The following RGL1 variants were observed in gnomAD, a reference collection of about 807,000 sequenced individuals.
RGL1 encodes the protein ral guanine nucleotide dissociation stimulator like 1.
Under a neutral mutation model 95.2 loss-of-function variants are expected in RGL1, and 24 were observed. The ratio of observed to expected loss-of-function variants is 0.25; its 90% CI spans 0.18 to 0.35. The LOEUF is 0.35. RGL1 is among the 10% of genes least tolerant of loss of function. The pLI is 1.00. For missense variants in RGL1, 715 were observed against 936.3 expected (o/e 0.76, Z 3.08); for synonymous variants, 329 against 344.9 (o/e 0.95, Z 0.51).
intron 2 of RGL1, among the ~76,000 whole-genome samples, chr1:183,797,941 A>G (rs1430247228): frequency 6.6e-6 from 1 of 152,190 alleles, no homozygotes; most frequent in East Asian, 1.9e-4. Context: ...TACCAGATTT[A>G]TTTGCTTATG....
At chr1:183,854,503 T>A (rs1665018519) in intron 3 of RGL1, among the ~76,000 whole-genome samples, 1 of 152,202 alleles carries the variant, frequency 6.6e-6, no homozygotes, top group African/African-American at 2.4e-5. Flanking sequence ...CGGAGCTGCC[T>A]TTGTTAGTGC....
chr1:183,768,490 C>T (rs556315375), intron 2 of RGL1, among the ~76,000 whole-genome samples: 67 of 86,890 alleles, frequency 7.7e-4, no homozygotes, highest in African/African-American at 2.4e-3. Context: ...TTTTTGGAGA[C>T]AGGGCCTTTG....
At chr1:183,818,451 A>G (rs1454390285) in intron 2 of RGL1, among the ~76,000 whole-genome samples, 1 of 152,178 alleles carries the variant, frequency 6.6e-6, no homozygotes, top group African/African-American at 2.4e-5. Context: ...GATGAATCCT[A>G]CTTAACCCTT....
intron 3 of RGL1, among the ~76,000 whole-genome samples, chr1:183,860,775 A>G (rs922659525): frequency 3.3e-5 from 5 of 152,176 alleles, no homozygotes; most frequent in Non-Finnish European, 5.9e-5. Context: ...CCTCCGCACT[A>G]CCATGTATAC....
chr1:183,889,985 C>T (rs1466497247), intron 8 of RGL1, among the ~76,000 whole-genome samples: 1 of 152,020 alleles, frequency 6.6e-6, no homozygotes, highest in Non-Finnish European at 1.5e-5. Context: ...CACATTTCTC[C>T]TTAAGAACGA....
At chr1:183,901,857 A>T (rs759513997) in intron 11 of RGL1, among the ~76,000 whole-genome samples, 1 of 152,254 alleles carries the variant, frequency 6.6e-6, no homozygotes. Flanking sequence ...TGCATATTTC[A>T]GTATATACTA....
chr1:183,905,819 A>C (rs1203111038), intron 13 of RGL1, among the ~76,000 whole-genome samples: 1 of 152,156 alleles, frequency 6.6e-6, no homozygotes, highest in African/African-American at 2.4e-5. Flanking sequence ...GTGGGGGGGA[A>C]CAAAAAAAGA....
At position 183,912,144 on chromosome 1, in the gene RGL1, C is replaced by T. The variant is rs769217812; in HGVS notation, c.1625C>T (p.Thr542Ile). 1.6e-5 allele frequency: 26 copies of T among 1,614,014 alleles called. No homozygotes were observed. Among genetic ancestry groups the T allele is most frequent in the Non-Finnish European group, 2.2e-5 (26 of 1,180,030 alleles). ...PTPTKEQPKS[T>I]ASGSSGESMD... Reference sequence around the variant, plus strand: ...CCCACCAAAGAGCAGCCCAAGTCCACTGCCAGCGGGAGCTCTGGTGAAAGC... The same window carrying T: ...CCCACCAAAGAGCAGCCCAAGTCCATTGCCAGCGGGAGCTCTGGTGAAAGC... The change falls in exon 15 of 18, where the codon ACT (threonine) becomes ATT (isoleucine). Residue 542 changes from threonine (T) to isoleucine (I), a missense_variant. Thr to Ile is a moderately conservative substitution (Grantham distance 89). Coordinates refer to ENST00000360851, the MANE Select transcript of RGL1 (RefSeq NM_001297671.3).
At position 183,805,271 on chromosome 1, in the gene RGL1, G is replaced by T. The variant is rs775383388; in HGVS notation, c.-27G>T. 2.3e-5 allele frequency: 37 copies of T among 1,610,442 alleles called. No individual in the cohort carries two copies. The highest frequency in any genetic ancestry group is 6.7e-5 in the Admixed American group (4 of 59,756). ...CTCCGAGCAGGGCGCATCATGCAGC[G>T]TTCGCGCACCGGAGAGAAAACTGAG... On this transcript the variant is annotated 5_prime_UTR_variant, in exon 1 of 18. Transcript: ENST00000360851.
intron 2 of RGL1, among the ~76,000 whole-genome samples, chr1:183,799,529 T>A (rs1660878355): frequency 6.6e-6 from 1 of 152,178 alleles, no homozygotes; most frequent in South Asian, 2.1e-4. Context: ...CTCATTCTGG[T>A]TTTGTTGCAT....
upstream of RGL1, among the ~76,000 whole-genome samples, chr1:183,802,028 C>T (rs1046197089): frequency 6.6e-6 from 1 of 152,144 alleles, no homozygotes; most frequent in East Asian, 1.9e-4. Context: ...CAAACTATAG[C>T]AATTTTCTTT....
chr1:183,834,563 A>G (rs1005147175), intron 2 of RGL1, among the ~76,000 whole-genome samples: 1 of 101,510 alleles, frequency 9.9e-6, no homozygotes, highest in Admixed American at 1.1e-4. Flanking sequence ...ACGTCATTAA[A>G]TGAAGAAATT....
At chr1:183,834,396 C>G (rs1663486372) in intron 2 of RGL1, among the ~76,000 whole-genome samples, 2 of 152,090 alleles carry the variant, frequency 1.3e-5, no homozygotes, top group South Asian at 2.1e-4. Flanking sequence ...TTCATTTTTT[C>G]CTGACTGCCA....
intron 2 of RGL1, among the ~76,000 whole-genome samples, chr1:183,775,677 A>G (rs1235482568): frequency 6.6e-6 from 1 of 152,244 alleles, no homozygotes; most frequent in Non-Finnish European, 1.5e-5. Context: ...TAAAATGTGT[A>G]TAATAATATC....
At chr1:183,812,308 T>A (rs891819213) in intron 2 of RGL1, among the ~76,000 whole-genome samples, 14 of 152,194 alleles carry the variant, frequency 9.2e-5, no homozygotes, top group Admixed American at 7.9e-4. Flanking sequence ...TGCCAATGGG[T>A]GTGGCTATCT....
chr1:183,733,382 GATC>G (rs1418673402), intron 1 of RGL1, among the ~76,000 whole-genome samples: 2 of 152,140 alleles, frequency 1.3e-5, no homozygotes, highest in Non-Finnish European at 2.9e-5. Flanking sequence ...AAAGTCACAA[GATC>G]TATGCAAAAG....
At chr1:183,769,692 G>A (rs1411381336) in intron 2 of RGL1, among the ~76,000 whole-genome samples, 2 of 152,228 alleles carry the variant, frequency 1.3e-5, no homozygotes, top group East Asian at 1.9e-4. Context: ...ACACGTTCAC[G>A]TGGCTACACT....
upstream of RGL1, among the ~76,000 whole-genome samples, chr1:183,804,814 T>A (rs1487302156): frequency 2.6e-5 from 4 of 152,366 alleles, no homozygotes; most frequent in Non-Finnish European, 4.4e-5. Flanking sequence ...AATAGGCAGA[T>A]AATGGAAGTT....
intron 2 of RGL1, among the ~76,000 whole-genome samples, chr1:183,787,716 G>T (rs1313755388): frequency 1.3e-5 from 2 of 152,054 alleles, no homozygotes; most frequent in Non-Finnish European, 2.9e-5. Flanking sequence ...GGGGGTGTTT[G>T]GGTCATGGGG....
Sources: allele counts gnomAD v4.1 joint callset (sites outside exome capture counted in the v4.1 genomes callset), GRCh38; gene constraint gnomAD v4.1.1; transcripts MANE v1.5; gene names NCBI Gene and HGNC (gene_info 2026-07-23, HGNC 2026-07-21).